Variants in OSBPL8 observed in about 807,000 individuals in gnomAD.
OSBPL8 encodes the protein oxysterol binding protein like 8.
OSBPL8 carries 59 observed loss-of-function variants against 125.5 expected under a neutral mutation model. That is an observed-to-expected ratio of 0.47 (90% CI 0.38 to 0.58). The LOEUF is 0.58. Among genes scored for constraint, OSBPL8 ranks in the 20% least tolerant of loss-of-function variants. The pLI, the probability that OSBPL8 is intolerant of heterozygous loss-of-function variation, is 0.00. For synonymous variants in OSBPL8, 330 were observed against 338.9 expected (o/e 0.97, Z 0.29); for missense variants, 758 against 1,047.8 (o/e 0.72, Z 3.82).
intron 18 of OSBPL8, among the ~76,000 whole-genome samples, chr12:76,372,700 G>A (rs748697433): frequency 6.6e-6 from 1 of 152,116 alleles, no homozygotes; most frequent in Admixed American, 6.6e-5. Context: ...GCAGTACCAT[G>A]ATTCTTTTTA....
intron 2 of OSBPL8, among the ~76,000 whole-genome samples, chr12:76,474,638 T>C (rs1355472353): frequency 1.3e-5 from 2 of 152,174 alleles, no homozygotes; most frequent in Admixed American, 1.3e-4. Context: ...CATGCCACCA[T>C]GACTGGCTAA....
chr12:76,463,604 C>G (rs1040152920), intron 2 of OSBPL8, among the ~76,000 whole-genome samples: 6 of 151,770 alleles, frequency 4.0e-5, no homozygotes, highest in Non-Finnish European at 5.9e-5. Context: ...AAGAACAGGC[C>G]CTAGAAAAAC....
At chr12:76,531,476 T>G (rs1197088934) in intron 1 of OSBPL8, among the ~76,000 whole-genome samples, 1 of 152,184 alleles carries the variant, frequency 6.6e-6, no homozygotes, top group Admixed American at 6.5e-5. Flanking sequence ...CAGGCACCTT[T>G]TTGGCAAACC....
At chr12:76,440,849 G>C (rs1413546596) in intron 4 of OSBPL8, among the ~76,000 whole-genome samples, 1 of 152,146 alleles carries the variant, frequency 6.6e-6, no homozygotes, top group African/African-American at 2.4e-5. Flanking sequence ...GAAATTAGCA[G>C]ATGCTGGCTC....
chr12:76,437,838 G>A (rs2136634982), intron 4 of OSBPL8, among the ~76,000 whole-genome samples: 1 of 152,168 alleles, frequency 6.6e-6, no homozygotes, highest in Admixed American at 6.5e-5. Flanking sequence ...CCCCACATAA[G>A]ATAATTTCAT....
chr12:76,423,647 A>G (rs73383563), intron 4 of OSBPL8, among the ~76,000 whole-genome samples: 6,024 of 152,210 alleles, frequency 0.04, 360 homozygotes, highest in African/African-American at 0.13. Context: ...CTAATCTTTA[A>G]AATTCCAAAG....
chr12:76,451,107 C>A, intron 3 of OSBPL8, 119 bp from the exon 4 acceptor site: 1 of 1,030,920 alleles, frequency 9.7e-7, no homozygotes, highest in Non-Finnish European at 1.4e-6. Context: ...TTCATTTTAC[C>A]AACTCAATAC....
intron 5 of OSBPL8, among the ~76,000 whole-genome samples, chr12:76,406,829 T>A (rs1189001270): frequency 3.3e-5 from 5 of 152,034 alleles, no homozygotes; most frequent in African/African-American, 1.2e-4. Context: ...CCCAGGCTGG[T>A]CTCGAACTCC....
chr12:76,420,743 GAT>G (rs1459960846), intron 4 of OSBPL8, among the ~76,000 whole-genome samples: 2 of 151,930 alleles, frequency 1.3e-5, no homozygotes, highest in African/African-American at 4.8e-5. Flanking sequence ...TATATCAGGA[GAT>G]ATTAGATGTA....
chr12:76,389,567 G>T, intron 12 of OSBPL8, 78 bp downstream of exon 12: 1 of 1,194,960 alleles, frequency 8.4e-7, no homozygotes, highest in Non-Finnish European at 1.1e-6. Flanking sequence ...GGAAACAAAC[G>T]ATAATTGAAA....
intron 2 of OSBPL8, among the ~76,000 whole-genome samples, chr12:76,479,075 T>C (rs918441398): frequency 3.3e-5 from 5 of 152,168 alleles, no homozygotes; most frequent in African/African-American, 7.2e-5. Context: ...TAACAAAGTA[T>C]ACCTATCAAA....
chr12:76,383,277 G>T (rs1313558501), intron 15 of OSBPL8, among the ~76,000 whole-genome samples: 1 of 151,842 alleles, frequency 6.6e-6, no homozygotes. Flanking sequence ...ACTATAGTCA[G>T]GGTAGAAGAA....
chr12:76,485,852 C>G (rs1242068006), intron 2 of OSBPL8, among the ~76,000 whole-genome samples: 2 of 151,988 alleles, frequency 1.3e-5, no homozygotes, highest in Non-Finnish European at 2.9e-5. Flanking sequence ...AAAGCATACA[C>G]TTAAAAACAG....
At chr12:76,470,560 TAGAGA>T (rs1876014056) in intron 2 of OSBPL8, among the ~76,000 whole-genome samples, 2 of 152,358 alleles carry the variant, frequency 1.3e-5, no homozygotes, top group Admixed American at 1.3e-4. Context: ...CATGCTTATA[TAGAGA>T]TATGTGAGCC....
At chr12:76,392,460 T>C (rs1953603741) in intron 10 of OSBPL8, 121 bp downstream of exon 10, 3 of 831,244 alleles carry the variant, frequency 3.6e-6, no homozygotes, top group African/African-American at 1.7e-5. Flanking sequence ...CTAGGCCATA[T>C]AATGGGAAGA....
intron 15 of OSBPL8, among the ~76,000 whole-genome samples, chr12:76,378,869 C>T (rs1269581649): frequency 6.6e-6 from 1 of 151,976 alleles, no homozygotes; most frequent in Non-Finnish European, 1.5e-5. Flanking sequence ...CTCCAGGGTT[C>T]AGCAATTCTC....
chr12:76,366,751 T>C (rs1952431515), intron 21 of OSBPL8, among the ~76,000 whole-genome samples: 1 of 152,166 alleles, frequency 6.6e-6, no homozygotes, highest in Non-Finnish European at 1.5e-5. Context: ...CTAAGTATTA[T>C]CTAATTTCCC....
At chr12:76,552,339 T>A (rs1440275865) in intron 1 of OSBPL8, among the ~76,000 whole-genome samples, 1 of 136,884 alleles carries the variant, frequency 7.3e-6, no homozygotes, top group Non-Finnish European at 1.5e-5. Context: ...GGCACAAGAA[T>A]CACTTGAGCC....
intron 9 of OSBPL8, among the ~76,000 whole-genome samples, chr12:76,394,275 A>C (rs984019165): frequency 1.3e-5 from 2 of 152,206 alleles, no homozygotes; most frequent in Non-Finnish European, 2.9e-5. Context: ...ATAAAAAAAA[A>C]CAAAACCAAA....
Sources: allele counts gnomAD v4.1 joint callset (sites outside exome capture counted in the v4.1 genomes callset), GRCh38; gene constraint gnomAD v4.1.1; transcripts MANE v1.5; gene names NCBI Gene and HGNC (gene_info 2026-07-23, HGNC 2026-07-21).